The following MRPS28 variants were observed in gnomAD, a reference collection of about 807,000 sequenced individuals.
MRPS28 encodes the protein mitochondrial ribosomal protein S28.
MRPS28 carries 7 observed loss-of-function variants against 10.8 expected under a neutral mutation model. The ratio of observed to expected loss-of-function variants is 0.65; its 90% confidence interval spans 0.37 to 1.22. The LOEUF is 1.22. Among genes scored for constraint, MRPS28 ranks in the 50% most tolerant of loss-of-function variants. The pLI is 0.02. For missense variants in MRPS28, 265 were observed against 232.9 expected (o/e 1.14, Z -0.90); for synonymous variants, 121 against 93.3 (o/e 1.30, Z -1.71).
At chr8:79,933,162 C>T (rs1470397173) in intron 2 of MRPS28, among the ~76,000 whole-genome samples, 1 of 152,136 alleles carries the variant, frequency 6.6e-6, no homozygotes, top group Non-Finnish European at 1.5e-5. Context: ...TACCACAGAT[C>T]GGGTGGCTTA....
At chr8:79,987,638 A>G (rs1358738589) in intron 2 of MRPS28, among the ~76,000 whole-genome samples, 1 of 152,232 alleles carries the variant, frequency 6.6e-6, no homozygotes. Context: ...ACACTTCTCA[A>G]AGGAAGACAT....
intron 2 of MRPS28, among the ~76,000 whole-genome samples, chr8:79,980,520 TTTTA>T (rs1807926955): frequency 6.6e-6 from 1 of 152,226 alleles, no homozygotes; most frequent in Non-Finnish European, 1.5e-5. Flanking sequence ...TTGACATTGA[TTTTA>T]TTTTTCTTAA....
At chr8:79,947,361 A>G (rs6985964) in intron 2 of MRPS28, among the ~76,000 whole-genome samples, 11,227 of 152,206 alleles carry the variant, frequency 0.074, 758 homozygotes, top group African/African-American at 0.18. Flanking sequence ...AACCAGGTAA[A>G]AAACAATATT....
intron 1 of MRPS28, among the ~76,000 whole-genome samples, chr8:80,015,893 T>C (rs1809182637): frequency 6.6e-6 from 1 of 150,574 alleles, no homozygotes; most frequent in Non-Finnish European, 1.5e-5. Context: ...GTAACAGAAA[T>C]GAAGAATGCC....
chr8:79,938,169 A>C (rs1022504091), intron 2 of MRPS28, among the ~76,000 whole-genome samples: 3 of 151,166 alleles, frequency 2.0e-5, no homozygotes, highest in Non-Finnish European at 4.4e-5. Flanking sequence ...GAATAAACAT[A>C]CTTCGGGGAA....
chr8:79,967,336 C>A (rs1427980077), intron 2 of MRPS28, among the ~76,000 whole-genome samples: 1 of 152,148 alleles, frequency 6.6e-6, no homozygotes, highest in Non-Finnish European at 1.5e-5. Context: ...AATATGGCTA[C>A]TCAAAGCCCT....
At chr8:79,988,147 T>C (rs1808248005) in intron 2 of MRPS28, among the ~76,000 whole-genome samples, 2 of 151,442 alleles carry the variant, frequency 1.3e-5, no homozygotes, top group Non-Finnish European at 2.9e-5. Flanking sequence ...CTGGAAATCA[T>C]CATTCTCAGT....
intron 2 of MRPS28, among the ~76,000 whole-genome samples, chr8:79,983,954 C>T (rs1808064506): frequency 6.6e-6 from 1 of 152,102 alleles, no homozygotes; most frequent in African/African-American, 2.4e-5. Flanking sequence ...AGAAGAGCAA[C>T]TCCAAGACAC....
Position 79,970,349 on chromosome 8 carries a change from C to T in MRPS28, c.395+32650G>A, listed in dbSNP as rs181757986. Among the ~76,000 whole-genome samples the T allele has an allele frequency of 6.5e-4, 99 of 152,228 alleles. 2 individuals are homozygous for T. The East Asian group carries it at 0.015, about 23-fold the overall frequency. On this transcript the variant is annotated intron_variant, in intron 2 of 2. Coordinates refer to ENST00000276585, the MANE Select transcript of MRPS28 (RefSeq NM_014018.3). ...CCCCAAGAAGAATTTTTTTAAAAAT[C>T]AGTGCTCTACATGTAGAAAATTCTC...
intron 2 of MRPS28, among the ~76,000 whole-genome samples, chr8:79,928,270 G>A (rs1409999536): frequency 6.6e-6 from 1 of 152,120 alleles, no homozygotes; most frequent in Non-Finnish European, 1.5e-5. Flanking sequence ...GTTCAAGTCT[G>A]TGGTGAGCCA....
At chr8:79,992,072 T>C (rs912038503) in intron 2 of MRPS28, among the ~76,000 whole-genome samples, 1 of 152,158 alleles carries the variant, frequency 6.6e-6, no homozygotes, top group African/African-American at 2.4e-5. Flanking sequence ...CAGCACTAAC[T>C]TGCCAGACAT....
chr8:80,013,136 G>GA (rs559286408), intron 1 of MRPS28, among the ~76,000 whole-genome samples: 50 of 148,470 alleles, frequency 3.4e-4, no homozygotes, highest in South Asian at 2.1e-3. Flanking sequence ...AATAAACAGC[G>GA]AAAAAAAAAC....
chr8:79,973,521 C>T (rs1242390569), intron 2 of MRPS28, among the ~76,000 whole-genome samples: 2 of 152,076 alleles, frequency 1.3e-5, no homozygotes, highest in Admixed American at 1.3e-4. Context: ...ATTAAAAAGC[C>T]AGCACATTAT....
intron 2 of MRPS28, chr8:79,957,220 G>A (rs1807241696): frequency 1.3e-5 from 2 of 151,948 alleles, no homozygotes; most frequent in Middle Eastern, 3.4e-3. Context: ...AATATCTTGG[G>A]GTAGAACACA....
rs73257811 is a variant in MRPS28, at chr8:79,991,767, C to A, written c.395+11232G>T. Among the ~76,000 whole-genome samples the A allele has an allele frequency of 6.0e-3, 915 of 152,214 alleles. 13 individuals are homozygous for A. The highest frequency in any genetic ancestry group is 0.021 in the African/African-American group (877 of 41,526). On this transcript the variant is annotated intron_variant, in intron 2 of 2. Coordinates refer to ENST00000276585, the MANE Select transcript of MRPS28 (RefSeq NM_014018.3). ...AAAATGCATACACAAACTCTGTACA[C>A]CTCCCTCTAAAAGGCAAAGCCCAAT...
At chr8:79,958,644 A>C (rs1807290067) in intron 2 of MRPS28, among the ~76,000 whole-genome samples, 1 of 152,160 alleles carries the variant, frequency 6.6e-6, no homozygotes, top group Admixed American at 6.6e-5. Flanking sequence ...ACACAAAGTG[A>C]TTTAGCGATT....
chr8:79,991,149 G>T (rs1008284539), intron 2 of MRPS28, among the ~76,000 whole-genome samples: 3 of 152,190 alleles, frequency 2.0e-5, no homozygotes, highest in Admixed American at 2.0e-4. Context: ...AGGTTGTAAT[G>T]AAGAGAAATG....
chr8:79,988,775 C>A (rs1808270572), intron 2 of MRPS28, among the ~76,000 whole-genome samples: 1 of 152,204 alleles, frequency 6.6e-6, no homozygotes, highest in South Asian at 2.1e-4. Flanking sequence ...ACTGTACACA[C>A]TGACAGATAC....
chr8:79,946,588 C>A (rs915334066), intron 2 of MRPS28, among the ~76,000 whole-genome samples: 1 of 152,080 alleles, frequency 6.6e-6, no homozygotes, highest in African/African-American at 2.4e-5. Context: ...GAAAAAAAAT[C>A]TCTAGAATGC....
Sources: gnomAD v4.1 joint callset for allele counts (sites outside exome capture counted in the v4.1 genomes callset) on GRCh38, gnomAD v4.1.1 for gene constraint, MANE v1.5 for transcripts, NCBI Gene and HGNC (gene_info 2026-07-23, HGNC 2026-07-21) for gene names.